Variants in NPAS3 observed in about 807,000 individuals in gnomAD.
NPAS3 encodes neuronal PAS domain protein 3, also known as neuronal PAS domain-containing protein 3.
Under a neutral mutation model 73.1 loss-of-function variants are expected in NPAS3, and 14 were observed. That is an observed-to-expected ratio of 0.19 (90% CI 0.13 to 0.30). The LOEUF (loss-of-function observed/expected upper bound fraction) is 0.30, where lower values mean the gene tolerates loss of function less well. NPAS3 is among the 10% of genes least tolerant of loss of function. The pLI is 1.00. For synonymous variants in NPAS3, 620 were observed against 541.5 expected (o/e 1.14, Z -2.01); for missense variants, 1,096 against 1,250.0 (o/e 0.88, Z 1.86).
downstream of NPAS3, chr14:33,803,993 T>C (rs1044417509): frequency 1.3e-5 from 2 of 152,076 alleles, no homozygotes; most frequent in African/African-American, 4.8e-5. Flanking sequence ...TTTTGAAACA[T>C]TTTTTTTCAT....
intron 2 of NPAS3, among the ~76,000 whole-genome samples, chr14:33,201,714 T>G (rs2046625404): frequency 6.6e-6 from 1 of 152,200 alleles, no homozygotes; most frequent in Admixed American, 6.5e-5. Flanking sequence ...CGACCAATTA[T>G]TCAGTGGATT....
intron 7 of NPAS3, among the ~76,000 whole-genome samples, chr14:33,767,367 T>C (rs1229925354): frequency 6.6e-6 from 1 of 152,046 alleles, no homozygotes; most frequent in African/African-American, 2.4e-5. Flanking sequence ...CCCTTATCTT[T>C]CGGCAGGTTT....
chr14:33,465,776 C>T (rs1180885750), intron 4 of NPAS3, among the ~76,000 whole-genome samples: 1 of 151,718 alleles, frequency 6.6e-6, no homozygotes, highest in East Asian at 1.9e-4. Context: ...TTATATTTTC[C>T]CTTGCTTTAA....
intron 3 of NPAS3, among the ~76,000 whole-genome samples, chr14:33,287,095 G>A (rs190737594): frequency 1.3e-5 from 2 of 152,132 alleles, no homozygotes; most frequent in African/African-American, 4.8e-5. Context: ...ATAAAATATA[G>A]GAATATAGAA....
chr14:32,968,091 G>A (rs2037260042), intron 1 of NPAS3, among the ~76,000 whole-genome samples: 1 of 152,120 alleles, frequency 6.6e-6, no homozygotes, highest in African/African-American at 2.4e-5. Context: ...AGACTAGAGG[G>A]GCAGGGGATG....
At chr14:33,295,545 G>A (rs752600593) in intron 3 of NPAS3, among the ~76,000 whole-genome samples, 1 of 152,170 alleles carries the variant, frequency 6.6e-6, no homozygotes, top group Non-Finnish European at 1.5e-5. Context: ...AGGAAGAGCT[G>A]CTTATTGCTG....
intron 2 of NPAS3, among the ~76,000 whole-genome samples, chr14:33,211,961 T>C (rs150322502): frequency 7.8e-4 from 119 of 152,350 alleles, no homozygotes; most frequent in African/African-American, 2.8e-3. Flanking sequence ...ATCTGCACTA[T>C]AACATTTTAC....
At chr14:33,552,782 G>C (rs541825807) in intron 4 of NPAS3, among the ~76,000 whole-genome samples, 7 of 152,160 alleles carry the variant, frequency 4.6e-5, no homozygotes, top group African/African-American at 1.7e-4. Context: ...TTCAGGACCA[G>C]TGCAATGTAT....
chr14:33,796,474 G>A (rs2063516380), intron 10 of NPAS3, among the ~76,000 whole-genome samples: 1 of 152,198 alleles, frequency 6.6e-6, no homozygotes, highest in South Asian at 2.1e-4. Flanking sequence ...CAGTTTTAGA[G>A]TAGTTACTGA....
chr14:33,361,453 C>A (rs1345508740), intron 3 of NPAS3, among the ~76,000 whole-genome samples: 1 of 152,114 alleles, frequency 6.6e-6, no homozygotes, highest in African/African-American at 2.4e-5. Flanking sequence ...CCCCTTAGTT[C>A]TTTAATAGTT....
At chr14:33,712,283 A>G (rs534224116) in intron 6 of NPAS3, among the ~76,000 whole-genome samples, 1 of 152,280 alleles carries the variant, frequency 6.6e-6, no homozygotes, top group East Asian at 1.9e-4. Flanking sequence ...AACACCCCCC[A>G]CCAAATGACC....
Position 33,630,767 on chromosome 14 carries a change from C to G in NPAS3, c.559-45444C>G, listed in dbSNP as rs77093236. Among the ~76,000 whole-genome samples the G allele has an allele frequency of 6.2e-4, 94 of 152,172 alleles. No individual in the cohort carries two copies. In the East Asian group the frequency reaches 0.016, roughly 27 times the overall value. On this transcript the variant is annotated intron_variant, in intron 5 of 11. Transcript: ENST00000356141. ...GAGAAGGGAGGGCTTGCTGTGACGT[C>G]GGGTTAAATATTCAAGGCTTTCTCC...
intron 7 of NPAS3, among the ~76,000 whole-genome samples, chr14:33,751,243 G>C (rs570639781): frequency 2.9e-4 from 44 of 152,300 alleles, no homozygotes; most frequent in African/African-American, 1.1e-3. Context: ...CTAACAAGAA[G>C]AACTTGAAGG....
chr14:33,303,946 T>A lies in NPAS3; in HGVS notation c.386-63240T>A, dbSNP rs146906762. Among the ~76,000 whole-genome samples, 3 of 152,300 alleles carry A rather than the reference T, an allele frequency of 2.0e-5. No homozygotes were observed. In the South Asian group the frequency reaches 6.2e-4, roughly 32 times the overall value. On this transcript the variant is annotated intron_variant, in intron 3 of 11. Coordinates refer to ENST00000356141, the Ensembl canonical transcript of NPAS3. ...GTTTTGAGACGGAGTCTCGCTCTGT[T>A]GCCCAGGCTGGAGTGCAGTGGCACC...
intron 3 of NPAS3, among the ~76,000 whole-genome samples, chr14:33,333,698 A>C (rs546885693): frequency 3.3e-5 from 5 of 152,250 alleles, no homozygotes; most frequent in African/African-American, 1.2e-4. Flanking sequence ...CCAAACAGTT[A>C]AGAAGTTGAT....
At chr14:33,531,112 G>T (rs17101470) in intron 4 of NPAS3, among the ~76,000 whole-genome samples, 2,322 of 152,094 alleles carry the variant, frequency 0.015, 71 homozygotes, top group African/African-American at 0.053. Context: ...TGGTTGGAAG[G>T]TCCAAGGTCA....
chr14:33,679,881 A>T (rs978701882), intron 6 of NPAS3, among the ~76,000 whole-genome samples: 2 of 152,214 alleles, frequency 1.3e-5, no homozygotes, highest in East Asian at 3.8e-4. Context: ...CCAAATAAAT[A>T]TTTTATATGT....
intron 10 of NPAS3, among the ~76,000 whole-genome samples, chr14:33,796,734 C>A (rs1378453051): frequency 6.6e-6 from 1 of 152,170 alleles, no homozygotes; most frequent in Non-Finnish European, 1.5e-5. Context: ...CCAAAAGAGC[C>A]TTGTTTCCAA....
chr14:33,315,322 A>G (rs930145416), intron 3 of NPAS3, among the ~76,000 whole-genome samples: 4 of 152,110 alleles, frequency 2.6e-5, no homozygotes, highest in African/African-American at 9.7e-5. Flanking sequence ...TATTCAGTAG[A>G]TAATATGTAT....
Sources: allele counts gnomAD v4.1 joint callset (sites outside exome capture counted in the v4.1 genomes callset), GRCh38; gene constraint gnomAD v4.1.1; transcripts MANE v1.5; gene names NCBI Gene and HGNC (gene_info 2026-07-23, HGNC 2026-07-21).